Variants in CLASRP observed in about 807,000 individuals in gnomAD.
CLASRP encodes CLK4 associating serine/arginine rich protein.
CLASRP carries 52 observed loss-of-function variants against 99.9 expected under a neutral mutation model. The ratio of observed to expected loss-of-function variants is 0.52; its 90% CI spans 0.42 to 0.66. The LOEUF (loss-of-function observed/expected upper bound fraction) is 0.66, where lower values mean the gene tolerates loss of function less well. Ranked by LOEUF, CLASRP falls within the 30% of genes least tolerant of loss-of-function variation. CLASRP has a pLI of 0.00. For missense variants in CLASRP, 848 were observed against 999.2 expected (o/e 0.85, Z 2.04); for synonymous variants, 379 against 373.0 (o/e 1.02, Z -0.18).
rs538689703 is a variant in CLASRP at position 45,044,588 on chromosome 19, AC to A, written c.99+4281del. Among the ~76,000 whole-genome samples, 4 of 152,174 alleles carry A rather than the reference AC, an allele frequency of 2.6e-5. No individual in the cohort carries two copies. In the South Asian group the frequency reaches 8.3e-4, roughly 32 times the overall value. ...GTTCAAAAAGATGAGGCATAGCAAG[AC>A]CCCATCTCTGCAAAAAATAATAAAA... On this transcript the variant is annotated intron_variant, in intron 2 of 20. Transcript: ENST00000221455.
At chr19:45,063,803 C>A in intron 11 of CLASRP, among the ~76,000 whole-genome samples, 1 of 152,062 alleles carries the variant, frequency 6.6e-6, no homozygotes, top group South Asian at 2.1e-4. Flanking sequence ...GTGTCATTGT[C>A]CTTCCTGGTT....
intron 10 of CLASRP, 26 bp from the exon 11 acceptor site, chr19:45,062,128 G>T: frequency 7.2e-7 from 1 of 1,398,002 alleles, no homozygotes; most frequent in Non-Finnish European, 1.0e-6. Context: ...GCCCTAATTT[G>T]TCCCACCCCA....
rs1020547364 is a variant in CLASRP, at chr19:45,067,468, A to G, written c.1541A>G (p.His514Arg). ...RSRSLTRSRS[H>R]SPSPSQSRSR... is the part of the protein sequence containing the mutation. ...CGCAGCCTGACTCGCAGCCGCAGCC[A>G]TAGCCCCAGCCCCAGCCAGAGCCGC... Residue 514 changes from histidine (H) to arginine (R), a missense_variant, in exon 14 of 21, where the codon CAT becomes CGT. Around this residue, in one of 8 missense-constraint regions of CLASRP, gnomAD observed 489 missense variants for 434.7 expected, o/e 1.12. Coordinates refer to ENST00000221455, the MANE Select transcript of CLASRP (RefSeq NM_007056.3). This position sits in a 1 kb window ranked among gnomAD's most constrained non-coding sequence, Gnocchi z 4.9. 9 of 1,557,778 alleles carry G rather than the reference A, an allele frequency of 5.8e-6. No individual in the cohort carries two copies. The African/African-American group carries it at 8.2e-5, about 14-fold the overall frequency.
intron 5 of CLASRP, among the ~76,000 whole-genome samples, chr19:45,053,462 G>A (rs1463592034): frequency 6.6e-6 from 1 of 152,030 alleles, no homozygotes. Context: ...AAAATAGCAA[G>A]AATATGTTTT....
In CLASRP at chr19:45,064,466, C is replaced by T; in HGVS notation, c.1245C>T (p.Ala415=). 6.5e-7 allele frequency: 1 copy of T among 1,531,072 alleles called. No homozygotes were observed. The highest frequency in any genetic ancestry group is 8.8e-7 in the Non-Finnish European group (1 of 1,141,736). 94.8% of individuals were successfully genotyped at this position (1,531,072 alleles called of 1,614,324 possible). A position where few individuals can be genotyped will look rare whatever the true frequency, so the allele number is the denominator to read the frequency against. Residue 415 remains alanine (A), a synonymous_variant, in exon 13 of 21, where the codon GCC becomes GCT. Transcript: ENST00000221455. ...GGGYYRSGRH[A]RSRSRSWSRS... ...GCTACTACCGTTCCGGCCGCCACGCCCGCTCCCGGTCCCGCTCCTGGTCCC... is the reference window on the plus strand; with the variant it reads ...GCTACTACCGTTCCGGCCGCCACGCTCGCTCCCGGTCCCGCTCCTGGTCCC...
Position 45,069,208 on chromosome 19 carries a change from G to A in CLASRP, c.1834G>A (p.Glu612Lys). The A allele has an allele frequency of 6.2e-7, 1 of 1,614,072 alleles. No homozygotes were observed. The highest frequency in any genetic ancestry group is 8.5e-7 in the Non-Finnish European group (1 of 1,180,028). Residue 612 changes from glutamate to lysine, a missense_variant, in exon 18 of 21, where the codon GAA becomes AAA. This residue lies in a region of CLASRP where 116 missense variants were observed against 162.7 expected (regional missense o/e 0.71). Coordinates refer to ENST00000221455, the MANE Select transcript of CLASRP (RefSeq NM_007056.3). ...ATAGCCCTGTCTGCTGCAGGAGCGGGAAGACGAGCTTCGAGCCATGGCCCG... is the reference window on the plus strand; with the variant it reads ...ATAGCCCTGTCTGCTGCAGGAGCGGAAAGACGAGCTTCGAGCCATGGCCCG... ...IQQEHERQER[E>K]DELRAMARKI...
At position 45,069,894 on chromosome 19, in the gene CLASRP, G is replaced by C. The variant is rs759125314; in HGVS notation, c.1875-128G>C. On this transcript the variant is annotated intron_variant, in intron 18 of 20. Transcript: ENST00000221455. The stretch of plus-strand genomic sequence containing the variant: ...AACCTGGGGCTCCCTTTCCAAGCGG[G>C]GATTGGTGGCAGTACCGGCCCCCTT... 6 of 613,246 alleles carry C rather than the reference G, an allele frequency of 9.8e-6. No homozygotes were observed. In the African/African-American group the frequency reaches 1.1e-4, roughly 11 times the overall value. 38.0% of individuals were successfully genotyped at this position (613,246 alleles called of 1,614,324 possible). A position where few individuals can be genotyped will look rare whatever the true frequency, so the allele number is the denominator to read the frequency against.
chr19:45,055,012 C>T (rs780969338), intron 5 of CLASRP, among the ~76,000 whole-genome samples: 2 of 152,182 alleles, frequency 1.3e-5, no homozygotes, highest in South Asian at 2.1e-4. Flanking sequence ...ATAATTGATA[C>T]TGTTTTTGCC....
intron 16 of CLASRP, 61 bp from the exon 17 acceptor site, chr19:45,068,999 AAAAAAG>A: frequency 6.9e-7 from 1 of 1,441,902 alleles, no homozygotes; most frequent in Non-Finnish European, 9.6e-7. Flanking sequence ...CAAAAAAAAA[AAAAAAG>A]AAAAAAGAGA....
chr19:45,070,381 G>A lies in CLASRP; in HGVS notation c.1958-156G>A, dbSNP rs575512993. Among the ~76,000 whole-genome samples, 5 of 152,322 alleles carry A rather than the reference G, an allele frequency of 3.3e-5. No individual in the cohort carries two copies. In the South Asian group the frequency reaches 8.3e-4, roughly 25 times the overall value. ...GAAGTGCTCATTCCGGCATGGGCTG[G>A]TGAGGGGCACAGATGGCAGCCACTG... On this transcript the variant is annotated intron_variant, in intron 19 of 20. Coordinates refer to ENST00000221455, the MANE Select transcript of CLASRP (RefSeq NM_007056.3).
At chr19:45,039,469 A>T (rs1423553830) in intron 1 of CLASRP, 1 of 151,962 alleles carries the variant, frequency 6.6e-6, no homozygotes, top group African/African-American at 2.4e-5. Context: ...CCTGCCCCCA[A>T]GCTCAGCCCA....
rs768855764 is a variant in CLASRP, at chr19:45,060,513, G to A, written c.790-41G>A. ...GAAGGGGACAGGGGTGTGTCACAGG[G>A]AGGGCACCCCCTCACCAACCTGGCA... On this transcript the variant is annotated intron_variant, in intron 9 of 20. Coordinates refer to ENST00000221455, the MANE Select transcript of CLASRP (RefSeq NM_007056.3). This position sits in a 1 kb window ranked among gnomAD's most constrained non-coding sequence, Gnocchi z 4.6. 6.2e-7 allele frequency: 1 copy of A among 1,612,834 alleles called. No individual in the cohort carries two copies. Among genetic ancestry groups the A allele is most frequent in the Middle Eastern group, 1.7e-4 (1 of 6,060 alleles).
intron 2 of CLASRP, among the ~76,000 whole-genome samples, chr19:45,049,823 C>T (rs1971987580): frequency 6.6e-6 from 1 of 152,132 alleles, no homozygotes; most frequent in South Asian, 2.1e-4. Flanking sequence ...CTGGGAGTTA[C>T]GTTCTAACAT....
Position 45,064,621 on chromosome 19 carries a change from G to T in CLASRP, c.1400G>T (p.Arg467Leu). Reference protein sequence around the residue: ...PARRGGYGPRRRSRSRSHSGD... With the variant: ...PARRGGYGPRLRSRSRSHSGD... ...CGGCGTGGTGGTTACGGGCCCCGGC[G>T]CAGAAGCAGGTGTGTGTGGCTGGGC... The change falls in exon 13 of 21, where the codon CGC becomes CTC. Residue 467 changes from arginine (R) to leucine (L), a missense_variant. Around this residue, in one of 8 missense-constraint regions of CLASRP, gnomAD observed 489 missense variants for 434.7 expected, o/e 1.12. Coordinates refer to ENST00000221455, the MANE Select transcript of CLASRP (RefSeq NM_007056.3). 6.4e-7 allele frequency: 1 copy of T among 1,551,100 alleles called. No individual in the cohort carries two copies. The highest frequency in any genetic ancestry group is 8.7e-7 in the Non-Finnish European group (1 of 1,154,632).
At chr19:45,065,232 A>T (rs1334126399) in intron 13 of CLASRP, among the ~76,000 whole-genome samples, 1 of 151,200 alleles carries the variant, frequency 6.6e-6, no homozygotes, top group Non-Finnish European at 1.5e-5. Context: ...GTCTCTACTG[A>T]AAAAAAAATT....
intron 4 of CLASRP, 28 bp from the exon 5 acceptor site, chr19:45,053,068 CTG>C: frequency 3.7e-6 from 6 of 1,613,174 alleles, no homozygotes; most frequent in Non-Finnish European, 5.1e-6. Flanking sequence ...CTCCTTCTCT[CTG>C]ATTTCAAGGT....
Position 45,064,525 on chromosome 19 carries a change from C to CCCGTAG in CLASRP, c.1309_1314dup (p.Ser437_Arg438dup). 6.5e-7 allele frequency: 1 copy of CCCGTAG among 1,537,668 alleles called. No individual in the cohort carries two copies. The highest frequency in any genetic ancestry group is 8.7e-7 in the Non-Finnish European group (1 of 1,146,190). ...TCCCGCTCCCGGCGCTATTCCCGGT[C>CCCGTAG]CCGTAGCCGTGGCCGGCGGCACTCA... On this transcript the variant is annotated inframe_insertion, in exon 13 of 21. Coordinates refer to ENST00000221455, the MANE Select transcript of CLASRP (RefSeq NM_007056.3).
At chr19:45,045,643 C>A (rs1971902599) in intron 2 of CLASRP, among the ~76,000 whole-genome samples, 1 of 151,988 alleles carries the variant, frequency 6.6e-6, no homozygotes, top group African/African-American at 2.4e-5. Flanking sequence ...TCGCCCTGAC[C>A]AGATATATTT....
chr19:45,062,557 TTAG>T (rs1293940873), intron 11 of CLASRP, among the ~76,000 whole-genome samples: 4 of 152,166 alleles, frequency 2.6e-5, no homozygotes, highest in Non-Finnish European at 5.9e-5. Flanking sequence ...TTTTGTATTT[TTAG>T]TAGAGTTTAG....
Sources: allele counts gnomAD v4.1 joint callset (sites outside exome capture counted in the v4.1 genomes callset), GRCh38; gene constraint gnomAD v4.1.1; regional missense constraint gnomAD v4.1.1; non-coding constraint Gnocchi (gnomAD v3.1); transcripts MANE v1.5; gene names NCBI Gene and HGNC (gene_info 2026-07-23, HGNC 2026-07-21).